CPXM2: variants seen among roughly 807,000 people sequenced by gnomAD.
The protein encoded by CPXM2 is inactive carboxypeptidase-like protein X2.
Under a neutral mutation model 86.1 loss-of-function variants are expected in CPXM2, and 66 were observed. That is an observed-to-expected ratio of 0.77 (90% CI 0.63 to 0.94). CPXM2 has a LOEUF of 0.94. CPXM2 is among the 40% of genes least tolerant of loss of function. CPXM2 has a pLI of 0.00. For missense variants in CPXM2, 948 were observed against 1,026.3 expected (o/e 0.92, Z 1.04); for synonymous variants, 388 against 400.2 (o/e 0.97, Z 0.36).
At chr10:123,771,160 C>T (rs1846620285) in intron 7 of CPXM2, 121 bp from the exon 8 acceptor site, 1 of 815,852 alleles carries the variant, frequency 1.2e-6, no homozygotes, top group African/African-American at 1.7e-5. Context: ...CCCCCACATT[C>T]TGCACACCCC....
At chr10:123,854,133 T>C (rs943893156) in intron 3 of CPXM2, among the ~76,000 whole-genome samples, 8 of 150,620 alleles carry the variant, frequency 5.3e-5, no homozygotes, top group Non-Finnish European at 1.0e-4. Context: ...TGGGGAACCA[T>C]CCCCATGAGG....
chr10:123,896,596 C>G (rs1374661753), upstream of CPXM2, among the ~76,000 whole-genome samples: 1 of 152,222 alleles, frequency 6.6e-6, no homozygotes, highest in Admixed American at 6.5e-5. Flanking sequence ...GTCCCTCTTG[C>G]AACTTAATTC....
chr10:123,804,555 C>A (rs1477395310), intron 4 of CPXM2, among the ~76,000 whole-genome samples: 1 of 151,864 alleles, frequency 6.6e-6, no homozygotes, highest in Non-Finnish European at 1.5e-5. Context: ...GACTTTGTAC[C>A]CAGCTACCTT....
intron 13 of CPXM2, among the ~76,000 whole-genome samples, chr10:123,753,720 T>C (rs1846132052): frequency 6.6e-6 from 1 of 152,212 alleles, no homozygotes; most frequent in Non-Finnish European, 1.5e-5. Context: ...ATTTGGTTTA[T>C]AAAACCCTGG....
At chr10:123,918,140 A>G (rs898743549) in intron 2 of CPXM2, among the ~76,000 whole-genome samples, 2 of 152,184 alleles carry the variant, frequency 1.3e-5, no homozygotes, top group African/African-American at 4.8e-5. Flanking sequence ...TTCCTCAGCC[A>G]TTTCACCTGA....
intron 13 of CPXM2, chr10:123,752,067 T>C (rs1564749178): frequency 1.0e-6 from 1 of 985,312 alleles, no homozygotes; most frequent in Non-Finnish European, 1.2e-6. Flanking sequence ...TCAAGGAATG[T>C]TCTAGGCTCT....
intron 6 of CPXM2, among the ~76,000 whole-genome samples, chr10:123,789,291 A>T (rs991849641): frequency 1.3e-5 from 2 of 152,190 alleles, no homozygotes; most frequent in African/African-American, 4.8e-5. Context: ...GGCCCCTCAG[A>T]GGGGGCAGCA....
intron 4 of CPXM2, among the ~76,000 whole-genome samples, chr10:123,810,207 T>C (rs939621097): frequency 2.0e-5 from 3 of 151,978 alleles, no homozygotes; most frequent in Non-Finnish European, 4.4e-5. Context: ...CAATTTTAGA[T>C]TGTATGTACC....
chr10:123,770,155 T>C (rs1036207692), intron 8 of CPXM2, among the ~76,000 whole-genome samples: 1 of 152,134 alleles, frequency 6.6e-6, no homozygotes, highest in African/African-American at 2.4e-5. Flanking sequence ...ATGCCTGTAA[T>C]CCCAGCTACT....
At chr10:123,781,406 TGG>T (rs1846930802) in intron 6 of CPXM2, among the ~76,000 whole-genome samples, 1 of 152,142 alleles carries the variant, frequency 6.6e-6, no homozygotes, top group Admixed American at 6.5e-5. Flanking sequence ...GGAGGGCAAC[TGG>T]GAAGAGACCA....
chr10:123,925,519 G>A lies in CPXM2; in HGVS notation n.174+13958C>T, dbSNP rs139634300. On this transcript the variant is annotated intron_variant and non_coding_transcript_variant, in intron 2 of 19. Coordinates refer to the CPXM2 transcript ENST00000368854. Reference sequence around the variant, plus strand: ...ATAATAGAGTGAATTTAATTAAAATGCATAAATTTTAAAACACCTTAATTT... The same window carrying A: ...ATAATAGAGTGAATTTAATTAAAATACATAAATTTTAAAACACCTTAATTT... Among the ~76,000 whole-genome samples, 803 of 152,274 alleles carry A rather than the reference G, an allele frequency of 5.3e-3. 7 individuals carry two copies. Among genetic ancestry groups the A allele is most frequent in the Non-Finnish European group, 4.4e-3 (297 of 68,028 alleles).
At chr10:123,831,461 C>T (rs1848164771) in intron 4 of CPXM2, among the ~76,000 whole-genome samples, 1 of 152,254 alleles carries the variant, frequency 6.6e-6, no homozygotes, top group Admixed American at 6.5e-5. Context: ...CATTTGAGGA[C>T]TTTCATGTGC....
rs1464713173 is a variant in CPXM2, at chr10:123,746,765, C to G, written c.2270G>C (p.Ter757SerextTer19). The G allele has an allele frequency of 6.2e-7, 1 of 1,613,974 alleles. No homozygotes were observed. The highest frequency in any genetic ancestry group is 8.5e-7 in the Non-Finnish European group (1 of 1,179,956). ...ACGAGTCTCAAGGGCCCAGGAGGGT[C>G]ACCCACGCTGTCGTCTCTTCTGCCC... Reference protein sequence around the residue: ...LRGQKRRQRG* With the variant: ...LRGQKRRQRGS Residue 757 changes from the stop codon to serine (S), a stop_lost, in exon 14 of 14, where the codon TGA (stop) becomes TCA (serine). Coordinates refer to ENST00000241305, the MANE Select transcript of CPXM2 (RefSeq NM_198148.3).
chr10:123,854,060 G>C (rs1848654378), intron 3 of CPXM2, among the ~76,000 whole-genome samples: 2 of 151,412 alleles, frequency 1.3e-5, no homozygotes, highest in African/African-American at 4.9e-5. Flanking sequence ...CTACACACCT[G>C]ATTCCCAACC....
intron 4 of CPXM2, among the ~76,000 whole-genome samples, chr10:123,837,573 A>G (rs1477742546): frequency 2.0e-5 from 3 of 152,246 alleles, no homozygotes; most frequent in Non-Finnish European, 4.4e-5. Context: ...TATATCTAAT[A>G]TACTTTCTGT....
intron 4 of CPXM2, among the ~76,000 whole-genome samples, chr10:123,801,723 A>G (rs1177280966): frequency 6.6e-6 from 1 of 152,170 alleles, no homozygotes; most frequent in Non-Finnish European, 1.5e-5. Context: ...ATCACGTTCT[A>G]CGAGACCCTT....
chr10:123,844,992 G>A (rs933314613), intron 3 of CPXM2, among the ~76,000 whole-genome samples: 6 of 151,462 alleles, frequency 4.0e-5, no homozygotes, highest in African/African-American at 7.3e-5. Flanking sequence ...CACTTGAACC[G>A]GGGGGCAGAG....
Position 123,761,968 on chromosome 10 carries a change from G to A in CPXM2, c.1681C>T (p.Leu561Phe), listed in dbSNP as rs1846352921. ...LAYSYASTHR[L>F]MTDARRRVCH... ...ACCCTCCTCCGGGCGTCTGTCATGA[G>A]GCGGTGTGTGGAGGCATAGGAGTAG... The change falls in exon 11 of 14, where the codon CTC (leucine) becomes TTC (phenylalanine). Residue 561 changes from leucine (L) to phenylalanine (F), a missense_variant. Coordinates refer to ENST00000241305, the MANE Select transcript of CPXM2 (RefSeq NM_198148.3). 1 of 1,613,768 alleles carries A rather than the reference G, an allele frequency of 6.2e-7. No individual in the cohort carries two copies. The highest frequency in any genetic ancestry group is 1.1e-5 in the South Asian group (1 of 91,046).
intron 3 of CPXM2, among the ~76,000 whole-genome samples, chr10:123,851,683 C>T (rs1042932272): frequency 8.6e-5 from 13 of 151,150 alleles, no homozygotes; most frequent in Admixed American, 3.3e-4. Flanking sequence ...GCAGGGGAAT[C>T]GCTTGAACCC....
Sources: allele counts gnomAD v4.1 joint callset (sites outside exome capture counted in the v4.1 genomes callset), GRCh38; gene constraint gnomAD v4.1.1; transcripts MANE v1.5; gene names NCBI Gene and HGNC (gene_info 2026-07-23, HGNC 2026-07-21).